Variants in LTV1 observed in about 807,000 individuals in gnomAD.
The protein encoded by LTV1 is LTV1 ribosome biogenesis factor, also known as protein LTV1 homolog.
LTV1 carries 39 observed loss-of-function variants against 59.9 expected under a neutral mutation model. The observed-to-expected ratio is 0.65, with a 90% CI of 0.50 to 0.85. LTV1 has a LOEUF of 0.85. Ranked by LOEUF, LTV1 falls within the 40% of genes least tolerant of loss-of-function variation. The pLI, the probability that LTV1 is intolerant of heterozygous loss-of-function variation, is 0.00. For synonymous variants in LTV1, 171 were observed against 189.5 expected (o/e 0.90, Z 0.80); for missense variants, 493 against 549.1 (o/e 0.90, Z 1.02).
At chr6:143,843,784 G>A (rs2128490651) in intron 1 of LTV1, among the ~76,000 whole-genome samples, 1 of 152,306 alleles carries the variant, frequency 6.6e-6, no homozygotes, top group South Asian at 2.1e-4. Flanking sequence ...CGACACAAAC[G>A]CGCAACCCTG....
intron 2 of LTV1, among the ~76,000 whole-genome samples, chr6:143,845,213 A>G (rs905492566): frequency 8.5e-5 from 13 of 152,106 alleles, no homozygotes; most frequent in Admixed American, 7.2e-4. Flanking sequence ...GTTAGACTCT[A>G]CTTATTAAGA....
At position 143,862,830 on chromosome 6, in the gene LTV1, A is replaced by C; in HGVS notation, c.1064-14A>C. Reference sequence around the variant, plus strand: ...ACATGCTTACTGATACATGACTTTTATTTGTTTGTTTAGGTACATACTCAA... The same window carrying C: ...ACATGCTTACTGATACATGACTTTTCTTTGTTTGTTTAGGTACATACTCAA... On this transcript the variant is annotated splice_polypyrimidine_tract_variant and intron_variant, in intron 8 of 10. Transcript: ENST00000367576. This position sits in a 1 kb window ranked among gnomAD's most constrained non-coding sequence, Gnocchi z 4.2. 1 of 1,491,704 alleles carries C rather than the reference A, an allele frequency of 6.7e-7. No homozygotes were observed. The highest frequency in any genetic ancestry group is 9.4e-7 in the Non-Finnish European group (1 of 1,069,010). The allele number at this position is 1,491,704 out of a possible 1,614,324, so 92.4% of individuals were successfully genotyped here.
In LTV1 at chr6:143,863,073, A is replaced by G; in HGVS notation, c.1117-13A>G. 1 of 1,605,318 alleles carries G rather than the reference A, an allele frequency of 6.2e-7. No individual in the cohort carries two copies. Among genetic ancestry groups the G allele is most frequent in the Non-Finnish European group, 8.5e-7 (1 of 1,172,312 alleles). On this transcript the variant is annotated splice_polypyrimidine_tract_variant and intron_variant, in intron 9 of 10. Transcript: ENST00000367576. This position sits in a 1 kb window ranked among gnomAD's most constrained non-coding sequence, Gnocchi z 4.5. ...TGAGAAGTAACTCTAGTACCATTTTATCTGTATTTCAGCCCAAACAAATTC... is the reference window on the plus strand; with the variant it reads ...TGAGAAGTAACTCTAGTACCATTTTGTCTGTATTTCAGCCCAAACAAATTC...
intron 1 of LTV1, 40 bp downstream of exon 1, chr6:143,843,520 G>T (rs906889031): frequency 6.2e-7 from 1 of 1,612,966 alleles, no homozygotes; most frequent in Non-Finnish European, 8.5e-7. Context: ...GAGCGCTGTG[G>T]TTTTGCAGAG....
At chr6:143,847,743 A>T (rs1167043257) in intron 3 of LTV1, among the ~76,000 whole-genome samples, 1 of 152,240 alleles carries the variant, frequency 6.6e-6, no homozygotes, top group Non-Finnish European at 1.5e-5. Context: ...AGGCTCTTAA[A>T]TGGACACTTC....
Position 143,857,669 on chromosome 6 carries a change from C to A in LTV1, c.540-83C>A, listed in dbSNP as rs761076284. The stretch of plus-strand genomic sequence containing the variant: ...TAGACAAGAACCCTTCCTGAAATAC[C>A]TTCCAATTTTACTTGTGTAAAGTGG... On this transcript the variant is annotated intron_variant, in intron 5 of 10. Coordinates refer to ENST00000367576, the MANE Select transcript of LTV1 (RefSeq NM_032860.5). This position sits in a 1 kb window ranked among gnomAD's most constrained non-coding sequence, Gnocchi z 5.2. 7 of 1,474,796 alleles carry A rather than the reference C, an allele frequency of 4.7e-6. No individual in the cohort carries two copies. The Admixed American group carries it at 8.7e-5, about 18-fold the overall frequency. 91.4% of individuals were successfully genotyped at this position (1,474,796 alleles called of 1,614,324 possible). A position where few individuals can be genotyped will look rare whatever the true frequency, so the allele number is the denominator to read the frequency against.
intron 4 of LTV1, among the ~76,000 whole-genome samples, chr6:143,856,055 C>T (rs1377324827): frequency 6.6e-6 from 1 of 152,218 alleles, no homozygotes; most frequent in Non-Finnish European, 1.5e-5. Context: ...CTCCCTATCA[C>T]TTTCAGGTAC....
chr6:143,860,638 A>G, intron 7 of LTV1, 85 bp downstream of exon 7: 1 of 1,186,504 alleles, frequency 8.4e-7, no homozygotes, highest in Non-Finnish European at 1.1e-6. Context: ...GTATAACTGA[A>G]TTGAGGAAAA....
At position 143,863,321 on chromosome 6, in the gene LTV1, G is replaced by T; in HGVS notation, c.1317+35G>T. 1.2e-6 allele frequency: 2 copies of T among 1,605,580 alleles called. No homozygotes were observed. Among genetic ancestry groups the T allele is most frequent in the South Asian group, 2.2e-5 (2 of 90,178 alleles). On this transcript the variant is annotated intron_variant, in intron 10 of 10. Coordinates refer to ENST00000367576, the MANE Select transcript of LTV1 (RefSeq NM_032860.5). This position sits in a 1 kb window ranked among gnomAD's most constrained non-coding sequence, Gnocchi z 4.5. Reference sequence around the variant, plus strand: ...ATTTTTCAAATGTGAGATTTACAAAGAGCTGGTGGAGGGGAAATTAGGGGA... The same window carrying T: ...ATTTTTCAAATGTGAGATTTACAAATAGCTGGTGGAGGGGAAATTAGGGGA...
At chr6:143,858,547 C>T (rs1159722949) in intron 6 of LTV1, 1 of 155,370 alleles carries the variant, frequency 6.4e-6, no homozygotes, top group Admixed American at 6.3e-5. Context: ...GCTCACGATA[C>T]ATCTGAAAGC....
chr6:143,858,900 G>A (rs1035595291), intron 6 of LTV1, among the ~76,000 whole-genome samples: 1 of 152,088 alleles, frequency 6.6e-6, no homozygotes, highest in African/African-American at 2.4e-5. Context: ...GAGCATAAAA[G>A]CACCTTAGTT....
chr6:143,849,403 TAAG>T (rs1449568656), intron 3 of LTV1, among the ~76,000 whole-genome samples: 3 of 152,192 alleles, frequency 2.0e-5, no homozygotes, highest in Non-Finnish European at 4.4e-5. Context: ...CAAGTGGAGT[TAAG>T]AAACTCTGGG....
chr6:143,860,830 C>T (rs1225281162), intron 7 of LTV1, among the ~76,000 whole-genome samples: 2 of 151,982 alleles, frequency 1.3e-5, no homozygotes, highest in Admixed American at 1.3e-4. Flanking sequence ...TGGGAATATA[C>T]GAGGAGCCAC....
rs1052427160 is a variant in LTV1, at chr6:143,862,453, G to T, written c.1063+210G>T. ...ATACAAAAATTAGCCAGGTATGGTG[G>T]CAGGCAACTGTAATCCCAGCTGCTC... is the stretch of plus-strand genomic sequence containing the variant. On this transcript the variant is annotated intron_variant, in intron 8 of 10. Coordinates refer to ENST00000367576, the MANE Select transcript of LTV1 (RefSeq NM_032860.5). The surrounding 1 kb of genome is among the most constrained non-coding windows in gnomAD (Gnocchi z 4.2). 6.6e-6 allele frequency among the ~76,000 whole-genome samples: 1 copy of T among 152,024 alleles called. No individual in the cohort carries two copies. The highest frequency in any genetic ancestry group is 1.5e-5 in the Non-Finnish European group (1 of 68,014).
intron 7 of LTV1, among the ~76,000 whole-genome samples, chr6:143,860,907 T>G (rs930366791): frequency 6.6e-6 from 1 of 151,950 alleles, no homozygotes; most frequent in African/African-American, 2.4e-5. Context: ...AATTTTTTTT[T>G]TTTTTTGAGA....
Position 143,857,518 on chromosome 6 carries a change from C to T in LTV1, c.539+74C>T, listed in dbSNP as rs555305323. ...CTTCAGTGGGATGGTAACCATAGAA[C>T]GTTACAGTTGGAAGAGACCTTCAAG... On this transcript the variant is annotated intron_variant, in intron 5 of 10. Transcript: ENST00000367576. This position sits in a 1 kb window ranked among gnomAD's most constrained non-coding sequence, Gnocchi z 5.2. 1.5e-5 allele frequency: 20 copies of T among 1,367,192 alleles called. No individual in the cohort carries two copies. The highest frequency in any genetic ancestry group is 1.8e-4 in the Middle Eastern group (1 of 5,480). The allele number at this position is 1,367,192 out of a possible 1,614,324, so 84.7% of individuals were successfully genotyped here.
Position 143,857,889 on chromosome 6 carries a change from T to A in LTV1, c.677T>A (p.Ile226Lys), listed in dbSNP as rs1339661786. Residue 226 changes from isoleucine to lysine, a missense_variant, in exon 6 of 11, where the codon ATA becomes AAA. Transcript: ENST00000367576. This position sits in a 1 kb window ranked among gnomAD's most constrained non-coding sequence, Gnocchi z 5.2. Reference protein sequence around the residue: ...MSVPGKTHRAIADHLFWSEET... With the variant: ...MSVPGKTHRAKADHLFWSEET... ...GTGCCCGGAAAAACTCACAGAGCTA[T>A]AGCAGATCACTTGTTCTGGAGTGAG... The A allele has an allele frequency of 1.9e-6, 3 of 1,614,032 alleles. No individual in the cohort carries two copies. The African/African-American group carries it at 4.0e-5, about 22-fold the overall frequency.
At position 143,855,866 on chromosome 6, in the gene LTV1, G is replaced by A. The variant is rs1777066384; in HGVS notation, c.398-1437G>A. On this transcript the variant is annotated intron_variant, in intron 4 of 10. Transcript: ENST00000367576. The surrounding 1 kb of genome is among the most constrained non-coding windows in gnomAD (Gnocchi z 4.6). ...GGTAACCCGACCTTTCTCTCTGGCT[G>A]CCCTTAACATTTTTTTCTTCATTTC... is the stretch of plus-strand genomic sequence containing the variant. 6.6e-6 allele frequency among the ~76,000 whole-genome samples: 1 copy of A among 152,086 alleles called. No homozygotes were observed. Among genetic ancestry groups the A allele is most frequent in the Non-Finnish European group, 1.5e-5 (1 of 68,024 alleles).
chr6:143,851,743 G>A (rs1232029424), intron 4 of LTV1, among the ~76,000 whole-genome samples: 2 of 151,746 alleles, frequency 1.3e-5, no homozygotes, highest in East Asian at 3.9e-4. Flanking sequence ...CCCCCAACAG[G>A]CCCCAGTGTG....
Sources: allele counts gnomAD v4.1 joint callset (sites outside exome capture counted in the v4.1 genomes callset), GRCh38; gene constraint gnomAD v4.1.1; non-coding constraint Gnocchi (gnomAD v3.1); transcripts MANE v1.5; gene names NCBI Gene and HGNC (gene_info 2026-07-23, HGNC 2026-07-21).